Variants in SCN3A observed in about 807,000 individuals in gnomAD.
The protein encoded by SCN3A is sodium voltage-gated channel alpha subunit 3.
In SCN3A, 60 loss-of-function variants were observed where a neutral mutation model predicts 187.6. The observed-to-expected ratio is 0.32, with a 90% CI of 0.26 to 0.40. SCN3A has a LOEUF of 0.40. Ranked by LOEUF, SCN3A falls within the 10% of genes least tolerant of loss-of-function variation. The probability of loss-of-function intolerance (pLI) is 1.00; values close to 1 mark genes in which losing one functional copy is unlikely to be tolerated. For missense variants in SCN3A, 1,601 were observed against 2,428.2 expected, an observed-to-expected ratio of 0.66 and a Z score of 7.16; for synonymous variants, 788 against 829.2, an observed-to-expected ratio of 0.95 and a Z score of 0.85.
chr2:165,094,551 C>T, intron 25 of SCN3A, 73 bp from the exon 26 acceptor site: 1 of 986,606 alleles, frequency 1.0e-6, no homozygotes. Context: ...TTTGTCTTTC[C>T]TTTAATCTTT....
At chr2:165,103,648 C>T (rs1290296510) in intron 21 of SCN3A, among the ~76,000 whole-genome samples, 1 of 151,990 alleles carries the variant, frequency 6.6e-6, no homozygotes, top group African/African-American at 2.4e-5. Context: ...GCAGCTGAGA[C>T]TGAGAAAGAA....
chr2:165,149,662 G>A (rs554517635), intron 11 of SCN3A, among the ~76,000 whole-genome samples: 3 of 152,278 alleles, frequency 2.0e-5, no homozygotes, highest in African/African-American at 7.2e-5. Context: ...AAAGGCAGAT[G>A]TTTCCTGTCA....
chr2:165,161,137 C>CGTTTTTTTTTTT (rs1689349882), intron 9 of SCN3A, among the ~76,000 whole-genome samples: 1 of 93,368 alleles, frequency 1.1e-5, no homozygotes, highest in Non-Finnish European at 2.2e-5. Context: ...TTCTTTCTTT[C>CGTTTTTTTTTTT]TTTTTTTTTT....
In SCN3A at chr2:165,176,239, A is replaced by G. The variant is rs1415121266; in HGVS notation, c.156T>C (p.Asn52=). 3 of 1,613,574 alleles carry G rather than the reference A, an allele frequency of 1.9e-6. No individual in the cohort carries two copies. The highest frequency in any genetic ancestry group is 1.7e-6 in the Non-Finnish European group (2 of 1,179,894). ...DNDDENKPKP[N]SDLEAGKNLP... ...GGTTCTTTCCAGCTTCCAAGTCACT[A>G]TTTGGCTTTGGTTTGTTCTCATCAT... Residue 52 remains asparagine (N), a synonymous_variant, in exon 3 of 28, where the codon AAT becomes AAC. Transcript: ENST00000283254.
rs201406373 is a variant in SCN3A, at chr2:165,090,276, A to G, written c.5877T>C (p.Asp1959=). ...LNGNSTPEKT[D]GSSSTTSPPS... ...GAGGAGAGGTGGTAGAGGAACTCCC[A>G]TCTGTTTTTTCTGGAGTGGAGTTCC... is the stretch of plus-strand genomic sequence containing the variant. The change falls in exon 28 of 28, where the codon GAT becomes GAC. Residue 1959 remains aspartate (D), a synonymous_variant. Transcript: ENST00000283254. The surrounding 1 kb of genome is among the most constrained non-coding windows in gnomAD (Gnocchi z 4.0). The G allele has an allele frequency of 1.2e-6, 2 of 1,612,822 alleles. No individual in the cohort carries two copies. Among genetic ancestry groups the G allele is most frequent in the East Asian group, 4.5e-5 (2 of 44,856 alleles).
intron 2 of SCN3A, among the ~76,000 whole-genome samples, chr2:165,182,863 A>G (rs1278005274): frequency 6.6e-6 from 1 of 151,870 alleles, no homozygotes; most frequent in Non-Finnish European, 1.5e-5. Context: ...CTGTAATCCC[A>G]GCACTTTGGA....
intron 12 of SCN3A, among the ~76,000 whole-genome samples, chr2:165,142,092 A>G (rs1442337943): frequency 2.0e-5 from 3 of 152,156 alleles, no homozygotes; most frequent in Non-Finnish European, 4.4e-5. Context: ...TCCCCTCATC[A>G]TGAACAATGG....
At chr2:165,121,144 A>ATTCCT (rs1686655754) in intron 18 of SCN3A, among the ~76,000 whole-genome samples, 1 of 151,990 alleles carries the variant, frequency 6.6e-6, no homozygotes, top group Admixed American at 6.6e-5. Context: ...ATGGCTATTC[A>ATTCCT]CACACCCATC....
intron 18 of SCN3A, among the ~76,000 whole-genome samples, chr2:165,120,493 T>G (rs1323447096): frequency 1.3e-5 from 2 of 151,828 alleles, no homozygotes; most frequent in African/African-American, 2.4e-5. Context: ...ACATTTCATT[T>G]ATTTTCAATC....
chr2:165,115,847 G>C (rs1422706733), intron 18 of SCN3A, among the ~76,000 whole-genome samples: 1 of 152,136 alleles, frequency 6.6e-6, no homozygotes, highest in Non-Finnish European at 1.5e-5. Context: ...CTTGTTTAAT[G>C]ATCTGCATTT....
intron 22 of SCN3A, among the ~76,000 whole-genome samples, chr2:165,098,299 T>A (rs1488033277): frequency 2.0e-5 from 3 of 152,238 alleles, no homozygotes; most frequent in African/African-American, 7.2e-5. Flanking sequence ...GTAATTTTTC[T>A]TGTCTAATCT....
chr2:165,129,862 T>G, intron 17 of SCN3A, 78 bp downstream of exon 17: 1 of 1,553,498 alleles, frequency 6.4e-7, no homozygotes, highest in Admixed American at 1.7e-5. Context: ...ACCAGAGATA[T>G]GTTTACTACA....
chr2:165,162,102 T>C (rs1030959760), intron 9 of SCN3A, among the ~76,000 whole-genome samples: 6 of 152,154 alleles, frequency 3.9e-5, no homozygotes, highest in African/African-American at 1.4e-4. Flanking sequence ...TGGGGAAAGG[T>C]CTTCACAAAG....
intron 24 of SCN3A, 31 bp from the exon 25 acceptor site, chr2:165,095,679 GA>G (rs768984779): frequency 7.7e-6 from 9 of 1,162,408 alleles, no homozygotes; most frequent in Non-Finnish European, 1.0e-5. Flanking sequence ...TAAATAATAT[GA>G]AAAATACTAT....
chr2:165,171,914 A>G (rs59654276), intron 3 of SCN3A, among the ~76,000 whole-genome samples: 1,911 of 152,190 alleles, frequency 0.013, 39 homozygotes, highest in African/African-American at 0.044. Context: ...GTTTTAATTA[A>G]ATGTGGGTTT....
intron 18 of SCN3A, among the ~76,000 whole-genome samples, chr2:165,118,969 A>G (rs1388039152): frequency 6.6e-6 from 1 of 151,250 alleles, no homozygotes; most frequent in Non-Finnish European, 1.5e-5. Flanking sequence ...TCACCATGTT[A>G]GCCAGGATGG....
intron 3 of SCN3A, among the ~76,000 whole-genome samples, chr2:165,172,089 AG>A (rs938115613): frequency 3.9e-4 from 59 of 152,280 alleles, no homozygotes; most frequent in African/African-American, 1.4e-3. Flanking sequence ...GTCAGTATAA[AG>A]GGCAGGGAAA....
chr2:165,089,245 G>A lies in SCN3A; in HGVS notation c.*905C>T, dbSNP rs933117672. 6.6e-6 allele frequency: 1 copy of A among 152,540 alleles called. No individual in the cohort carries two copies. Among genetic ancestry groups the A allele is most frequent in the Admixed American group, 6.5e-5 (1 of 15,272 alleles). 9.4% of individuals were successfully genotyped at this position (152,540 alleles called of 1,614,324 possible). A position where few individuals can be genotyped will look rare whatever the true frequency, so the allele number is the denominator to read the frequency against. The stretch of plus-strand genomic sequence containing the variant: ...ATAAAATAACTATTTACATAACATA[G>A]GGTATTTAATTGACATAGACTATCA... On this transcript the variant is annotated 3_prime_UTR_variant, in exon 28 of 28. Transcript: ENST00000283254.
intron 2 of SCN3A, among the ~76,000 whole-genome samples, chr2:165,186,265 G>A (rs962626889): frequency 2.0e-5 from 3 of 147,578 alleles, no homozygotes; most frequent in African/African-American, 7.4e-5. Context: ...GAGAGACTCT[G>A]TCTCAAAACA....
Sources: gnomAD v4.1 joint callset for allele counts (sites outside exome capture counted in the v4.1 genomes callset) on GRCh38, gnomAD v4.1.1 for gene constraint, Gnocchi (gnomAD v3.1) non-coding constraint, MANE v1.5 for transcripts, NCBI Gene and HGNC (gene_info 2026-07-23, HGNC 2026-07-21) for gene names.